The following TFCP2 variants were observed in gnomAD, a reference collection of about 807,000 sequenced individuals.
TFCP2 encodes alpha-globin transcription factor CP2.
TFCP2 carries 33 observed loss-of-function variants against 73.4 expected under a neutral mutation model. That is an observed-to-expected ratio of 0.45 (90% confidence interval 0.34 to 0.60). The LOEUF is 0.60. Ranked by LOEUF, TFCP2 falls within the 20% of genes least tolerant of loss-of-function variation. TFCP2 has a pLI of 0.01. For synonymous variants in TFCP2, 193 were observed against 211.6 expected, an observed-to-expected ratio of 0.91 and a Z score of 0.76; for missense variants, 352 against 604.0, an observed-to-expected ratio of 0.58 and a Z score of 4.37.
chr12:51,110,672 G>A (rs1940377695), intron 5 of TFCP2, among the ~76,000 whole-genome samples: 1 of 152,140 alleles, frequency 6.6e-6, no homozygotes, highest in Admixed American at 6.6e-5. Flanking sequence ...GCAATTTTGG[G>A]AGACACAAAT....
chr12:51,116,229 G>GA (rs1940526667), intron 4 of TFCP2, 86 bp downstream of exon 4: 1 of 596,364 alleles, frequency 1.7e-6, no homozygotes, highest in African/African-American at 1.9e-5. Flanking sequence ...TCAAGCATAT[G>GA]AATCAAGGTA....
In TFCP2 at chr12:51,094,996, C is replaced by A; in HGVS notation, c.*245G>T. 1 of 527,242 alleles carries A rather than the reference C, an allele frequency of 1.9e-6. No homozygotes were observed. Among genetic ancestry groups the A allele is most frequent in the Non-Finnish European group, 3.4e-6 (1 of 294,102 alleles). 32.7% of individuals were successfully genotyped at this position (527,242 alleles called of 1,614,324 possible). ...AGTTTCTACTGATATTTAACAACAA[C>A]AAGGTCCAGAAATTTAACTAAAACA... On this transcript the variant is annotated 3_prime_UTR_variant, in exon 15 of 15. Transcript: ENST00000257915.
chr12:51,109,422 C>T, intron 5 of TFCP2, 149 bp from the exon 6 acceptor site: 1 of 727,862 alleles, frequency 1.4e-6, no homozygotes, highest in Non-Finnish European at 2.2e-6. Flanking sequence ...TCTTGAAGAA[C>T]TTACAATCTG....
At chr12:51,151,766 G>T (rs1393937726) in intron 1 of TFCP2, among the ~76,000 whole-genome samples, 1 of 152,144 alleles carries the variant, frequency 6.6e-6, no homozygotes, top group Non-Finnish European at 1.5e-5. Context: ...TTCTCTGAGT[G>T]CAAGTCATTT....
rs1592783072 is a variant in TFCP2, at chr12:51,094,551, T to C, written c.*690A>G. 6.6e-6 allele frequency: 1 copy of C among 152,374 alleles called. No individual in the cohort carries two copies. Among genetic ancestry groups the C allele is most frequent in the East Asian group, 1.9e-4 (1 of 5,188 alleles). The allele number at this position is 152,374 out of a possible 1,614,324, so 9.4% of individuals were successfully genotyped here. ...AGCTCCTGGCACCTAGCAAGCTACT[T>C]AGCCACTGTGTGTCTCCATTTCCTC... On this transcript the variant is annotated 3_prime_UTR_variant, in exon 15 of 15. Transcript: ENST00000257915.
At chr12:51,152,499 G>A (rs1941450600) in intron 1 of TFCP2, among the ~76,000 whole-genome samples, 1 of 152,160 alleles carries the variant, frequency 6.6e-6, no homozygotes, top group African/African-American at 2.4e-5. Context: ...TTGTGTCAGC[G>A]TTAAGTTCCC....
At chr12:51,148,000 A>G (rs1200850785) in intron 1 of TFCP2, among the ~76,000 whole-genome samples, 1 of 152,260 alleles carries the variant, frequency 6.6e-6, no homozygotes, top group African/African-American at 2.4e-5. Flanking sequence ...ACAATTCTCA[A>G]AAGAAGACAT....
intron 12 of TFCP2, among the ~76,000 whole-genome samples, chr12:51,099,388 G>GA (rs962511177): frequency 6.6e-6 from 1 of 150,930 alleles, no homozygotes; most frequent in African/African-American, 2.4e-5. Context: ...TGAGGGGAGA[G>GA]AATCACTTGA....
At chr12:51,146,080 T>C (rs1182822098) in intron 1 of TFCP2, among the ~76,000 whole-genome samples, 1 of 151,642 alleles carries the variant, frequency 6.6e-6, no homozygotes, top group Non-Finnish European at 1.5e-5. Context: ...TAAAATATTT[T>C]TGAGGCTGGC....
Position 51,128,867 on chromosome 12 carries a change from T to C in TFCP2, c.123-10095A>G, listed in dbSNP as rs531676140. 7.2e-5 allele frequency among the ~76,000 whole-genome samples: 11 copies of C among 152,248 alleles called. No homozygotes were observed. The South Asian group carries it at 1.9e-3, about 26-fold the overall frequency. ...ATGTGCAAATGACAGGTATCTGGGA[T>C]GGGAAAAGTAAATACCCTGTATGAC... On this transcript the variant is annotated intron_variant, in intron 1 of 14. Transcript: ENST00000257915.
At chr12:51,101,178 G>A (rs1283404163) in intron 11 of TFCP2, among the ~76,000 whole-genome samples, 2 of 152,088 alleles carry the variant, frequency 1.3e-5, no homozygotes, top group East Asian at 1.9e-4. Context: ...GGTGGCAGGC[G>A]CCTGTAGTCC....
intron 1 of TFCP2, among the ~76,000 whole-genome samples, chr12:51,137,435 C>G (rs964849869): frequency 7.9e-5 from 12 of 152,230 alleles, no homozygotes; most frequent in African/African-American, 2.6e-4. Flanking sequence ...TTCCAGGGAG[C>G]TTGTAAGATA....
At chr12:51,102,153 T>C in intron 10 of TFCP2, 128 bp from the exon 11 acceptor site, 1 of 659,648 alleles carries the variant, frequency 1.5e-6, no homozygotes, top group Non-Finnish European at 2.6e-6. Context: ...CTTCATGGCA[T>C]ATAAGGCCCT....
intron 1 of TFCP2, among the ~76,000 whole-genome samples, chr12:51,121,040 TA>T (rs1940656303): frequency 6.8e-6 from 1 of 146,810 alleles, no homozygotes; most frequent in South Asian, 2.2e-4. Flanking sequence ...AAGTTTTTTT[TA>T]AAAAAGAAAA....
At chr12:51,171,414 G>C (rs1023947512) in intron 1 of TFCP2, among the ~76,000 whole-genome samples, 2 of 152,162 alleles carry the variant, frequency 1.3e-5, no homozygotes, top group Non-Finnish European at 2.9e-5. Flanking sequence ...GTCTCACTTT[G>C]TTGCCCAGGC....
chr12:51,109,009 G>A (rs1940328995), intron 6 of TFCP2, 112 bp downstream of exon 6: 8 of 1,181,762 alleles, frequency 6.8e-6, no homozygotes, highest in Admixed American at 6.6e-5. Flanking sequence ...GACTTTTTGC[G>A]TGTGTGTGAG....
intron 1 of TFCP2, among the ~76,000 whole-genome samples, chr12:51,126,884 AGATT>A (rs1333476988): frequency 6.6e-6 from 1 of 152,178 alleles, no homozygotes; most frequent in Non-Finnish European, 1.5e-5. Flanking sequence ...GTAAGAAAAT[AGATT>A]GATTTTCTGG....
intron 7 of TFCP2, chr12:51,106,877 C>A (rs1940259455): frequency 4.1e-6 from 2 of 492,390 alleles, no homozygotes; most frequent in Non-Finnish European, 3.7e-6. Flanking sequence ...GTTCCAGAAC[C>A]AAAGGCAGCA....
chr12:51,156,945 CA>C (rs1386743613), intron 1 of TFCP2: 1 of 151,854 alleles, frequency 6.6e-6, no homozygotes, highest in Non-Finnish European at 1.5e-5. Context: ...TGTCAACAAT[CA>C]ATTAAGACAA....
Sources: gnomAD v4.1 joint callset for allele counts (sites outside exome capture counted in the v4.1 genomes callset) on GRCh38, gnomAD v4.1.1 for gene constraint, MANE v1.5 for transcripts, NCBI Gene and HGNC (gene_info 2026-07-23, HGNC 2026-07-21) for gene names.